PDLIM3: variants seen among roughly 807,000 people sequenced by gnomAD.
PDLIM3 encodes PDZ and LIM domain 3.
In PDLIM3, 36 loss-of-function variants were observed where a neutral mutation model predicts 37.3. The observed-to-expected ratio is 0.97, with a 90% CI of 0.74 to 1.28. The LOEUF is 1.28. Among genes scored for constraint, PDLIM3 ranks in the 50% most tolerant of loss-of-function variants. PDLIM3 has a pLI of 0.00. For missense variants in PDLIM3, 454 were observed against 485.0 expected, an observed-to-expected ratio of 0.94 and a Z score of 0.60; for synonymous variants, 174 against 182.4, an observed-to-expected ratio of 0.95 and a Z score of 0.37.
chr4:185,502,473 C>T lies in PDLIM3; in HGVS notation c.916G>A (p.Val306Met), dbSNP rs1561187562. 1 of 1,614,114 alleles carries T rather than the reference C, an allele frequency of 6.2e-7. No homozygotes were observed. Among genetic ancestry groups the T allele is most frequent in the Admixed American group, 1.7e-5 (1 of 60,026 alleles). ...TGCCGGTACTTATCCCGCGCCTTCA[C>T]CACAGCACCGCTGTTGGGGAAGAAA... ...KCGSGIVGAV[V>M]KARDKYRHPE... The change falls in exon 8 of 8, where the codon GTG (valine) becomes ATG (methionine). Residue 306 changes from valine (V) to methionine (M), a missense_variant. Coordinates refer to ENST00000284767, the MANE Select transcript of PDLIM3 (RefSeq NM_014476.6).
chr4:185,532,201 T>C (rs1312807524), intron 1 of PDLIM3, among the ~76,000 whole-genome samples: 1 of 152,222 alleles, frequency 6.6e-6, no homozygotes, highest in Non-Finnish European at 1.5e-5. Context: ...CTATTTATAA[T>C]AAAGTCATGT....
In PDLIM3 at chr4:185,535,460, T is replaced by C; in HGVS notation, c.-26A>G. 6.4e-7 allele frequency: 1 copy of C among 1,561,580 alleles called. No individual in the cohort carries two copies. The highest frequency in any genetic ancestry group is 8.7e-7 in the Non-Finnish European group (1 of 1,153,116). On this transcript the variant is annotated 5_prime_UTR_variant, in exon 1 of 8. Transcript: ENST00000284767. The stretch of plus-strand genomic sequence containing the variant: ...GCCGCCTTCCTCCCGCCCACCGGGC[T>C]CTAAGTGTCCCCGCGCAGGGCAGCC...
intron 6 of PDLIM3, 119 bp downstream of exon 6, chr4:185,506,403 G>T: frequency 1.5e-6 from 2 of 1,320,968 alleles, no homozygotes; most frequent in Non-Finnish European, 2.2e-6. Flanking sequence ...AAATTCATTT[G>T]GCTCCCAATG....
intron 6 of PDLIM3, among the ~76,000 whole-genome samples, chr4:185,505,639 AT>A (rs1275449311): frequency 5.6e-5 from 8 of 142,750 alleles, no homozygotes; most frequent in African/African-American, 2.0e-4. Context: ...AAAAAAAAAA[AT>A]AAAGAATCTG....
At chr4:185,508,241 G>A in intron 5 of PDLIM3, 58 bp downstream of exon 5, 1 of 1,526,626 alleles carries the variant, frequency 6.6e-7, no homozygotes, top group Admixed American at 1.7e-5. Context: ...CACCAGTAAA[G>A]CTGACATTGC....
At position 185,514,502 on chromosome 4, in the gene PDLIM3, T is replaced by A; in HGVS notation, c.331-165A>T. ...GGACGATGTCTTCTTTCCAACCATC[T>A]ATCCGCTAAACGGTCAGGCACTGGC... On this transcript the variant is annotated intron_variant, in intron 3 of 7. Transcript: ENST00000284767. The surrounding 1 kb of genome is among the most constrained non-coding windows in gnomAD (Gnocchi z 4.0). 1 of 1,440,946 alleles carries A rather than the reference T, an allele frequency of 6.9e-7. No homozygotes were observed. The highest frequency in any genetic ancestry group is 9.5e-7 in the Non-Finnish European group (1 of 1,049,038). The allele number at this position is 1,440,946 out of a possible 1,614,324, so 89.3% of individuals were successfully genotyped here. A position where few individuals can be genotyped will look rare whatever the true frequency, so the allele number is the denominator to read the frequency against.
chr4:185,523,568 A>T (rs1580259328), intron 2 of PDLIM3, 122 bp from the exon 3 acceptor site: 53 of 496,976 alleles, frequency 1.1e-4, no homozygotes, highest in East Asian at 2.2e-4. Flanking sequence ...TGCAAAAACA[A>T]TTTTTTTTTT....
rs910150424 is a variant in PDLIM3 at position 185,504,054 on chromosome 4, T to C, written c.905+421A>G. Among the ~76,000 whole-genome samples the C allele has an allele frequency of 3.7e-5, 2 of 54,174 alleles. No individual in the cohort carries two copies. The highest frequency in any genetic ancestry group is 1.2e-4 in the Non-Finnish European group (2 of 16,780). The allele number at this position is 54,174 out of a possible 152,430, so 35.5% of individuals were successfully genotyped here. On this transcript the variant is annotated intron_variant, in intron 7 of 7. Coordinates refer to ENST00000284767, the MANE Select transcript of PDLIM3 (RefSeq NM_014476.6). The surrounding 1 kb of genome is among the most constrained non-coding windows in gnomAD (Gnocchi z 4.7). ...TAAGGATAATGTATTTTAAGTAACATCCTGTTGCCTGTATTTGTTTCCCTG... is the reference window on the plus strand; with the variant it reads ...TAAGGATAATGTATTTTAAGTAACACCCTGTTGCCTGTATTTGTTTCCCTG...
chr4:185,534,499 C>G (rs866491867), intron 1 of PDLIM3, among the ~76,000 whole-genome samples: 1 of 152,134 alleles, frequency 6.6e-6, no homozygotes, highest in Non-Finnish European at 1.5e-5. Context: ...CCAAATAATG[C>G]TTTAGAATTA....
intron 4 of PDLIM3, chr4:185,512,593 CCTGA>C: frequency 1.1e-6 from 1 of 900,648 alleles, no homozygotes; most frequent in African/African-American, 1.8e-5. Context: ...CTCTGACTTT[CCTGA>C]CTTTTTATAA....
chr4:185,508,705 T>C lies in PDLIM3; in HGVS notation c.399-143A>G, dbSNP rs567425114. The C allele has an allele frequency of 2.2e-5, 17 of 770,580 alleles. No homozygotes were observed. In the South Asian group the frequency reaches 2.5e-4, roughly 11 times the overall value. 47.7% of individuals were successfully genotyped at this position (770,580 alleles called of 1,614,324 possible). ...TGAATTACATCAAAATAAAACCAAA[T>C]CTTGATTTGTCACTAGAATTTATTT... On this transcript the variant is annotated intron_variant, in intron 4 of 7. Coordinates refer to ENST00000284767, the MANE Select transcript of PDLIM3 (RefSeq NM_014476.6).
intron 5 of PDLIM3, chr4:185,506,876 C>T (rs1160620109): frequency 1.9e-6 from 1 of 514,944 alleles, no homozygotes; most frequent in Non-Finnish European, 3.5e-6. Flanking sequence ...CACACCCACA[C>T]TCCTCCACTT....
chr4:185,525,648 A>T (rs989867839), intron 1 of PDLIM3, among the ~76,000 whole-genome samples: 1 of 152,134 alleles, frequency 6.6e-6, no homozygotes, highest in African/African-American at 2.4e-5. Context: ...CCAAAACTCA[A>T]ATGTTGAAAT....
At chr4:185,535,127 G>A (rs993213037) in intron 1 of PDLIM3, among the ~76,000 whole-genome samples, 2 of 152,198 alleles carry the variant, frequency 1.3e-5, no homozygotes, top group East Asian at 1.9e-4. Flanking sequence ...CACCTTTAGA[G>A]CGGACTTTGT....
In PDLIM3 at chr4:185,521,031, A is replaced by G. The variant is rs2095722873; in HGVS notation, c.330+2331T>C. On this transcript the variant is annotated intron_variant, in intron 3 of 7. Transcript: ENST00000284767. Reference sequence around the variant, plus strand: ...CTGAGTGGTCAATAAGTGCATGTCTATTGACTTTAATTCTTAAAAGCACCA... The same window carrying G: ...CTGAGTGGTCAATAAGTGCATGTCTGTTGACTTTAATTCTTAAAAGCACCA... Among the ~76,000 whole-genome samples, 2 of 65,992 alleles carry G rather than the reference A, an allele frequency of 3.0e-5. 1 individual carries two copies. The highest frequency in any genetic ancestry group is 5.5e-5 in the African/African-American group (2 of 36,238). The allele number at this position is 65,992 out of a possible 152,430, so 43.3% of individuals were successfully genotyped here.
At chr4:185,525,376 C>T (rs1213987598) in intron 1 of PDLIM3, among the ~76,000 whole-genome samples, 3 of 152,166 alleles carry the variant, frequency 2.0e-5, no homozygotes, top group Non-Finnish European at 2.9e-5. Flanking sequence ...TCTTACTAAC[C>T]ACATTTCATA....
At position 185,500,962 on chromosome 4, in the gene PDLIM3, G is replaced by A. The variant is rs764223014; in HGVS notation, c.*1332C>T. ...TGTGACACAAGGTGGTGAGACAGAG[G>A]GTCTGAGGGTCCCCACCCTGCTGGT... On this transcript the variant is annotated 3_prime_UTR_variant, in exon 8 of 8. Coordinates refer to ENST00000284767, the MANE Select transcript of PDLIM3 (RefSeq NM_014476.6). The A allele has an allele frequency of 1.3e-5, 2 of 152,360 alleles. No homozygotes were observed. The highest frequency in any genetic ancestry group is 4.8e-5 in the African/African-American group (2 of 41,446). 9.4% of individuals were successfully genotyped at this position (152,360 alleles called of 1,614,324 possible).
In PDLIM3 at chr4:185,501,662, T is replaced by G. The variant is rs2095687232; in HGVS notation, c.*632A>C. On this transcript the variant is annotated 3_prime_UTR_variant, in exon 8 of 8. Transcript: ENST00000284767. ...AAGAAGCCACATTTATCTTAAAATA[T>G]TTGTTAGTGTACATGTTAAAATATG... The G allele has an allele frequency of 1.3e-5, 2 of 153,016 alleles. No homozygotes were observed. The highest frequency in any genetic ancestry group is 2.1e-4 in the South Asian group (1 of 4,876). 9.5% of individuals were successfully genotyped at this position (153,016 alleles called of 1,614,324 possible). A position where few individuals can be genotyped will look rare whatever the true frequency, so the allele number is the denominator to read the frequency against.
At chr4:185,526,975 ATGTT>A (rs759342084) in intron 1 of PDLIM3, among the ~76,000 whole-genome samples, 3 of 152,120 alleles carry the variant, frequency 2.0e-5, no homozygotes. Context: ...TTGTACTTTT[ATGTT>A]TGTTTATTTA....
Sources: allele counts gnomAD v4.1 joint callset (sites outside exome capture counted in the v4.1 genomes callset), GRCh38; gene constraint gnomAD v4.1.1; non-coding constraint Gnocchi (gnomAD v3.1); transcripts MANE v1.5; gene names NCBI Gene and HGNC (gene_info 2026-07-23, HGNC 2026-07-21).